The following AKAP19 variants were observed in gnomAD, a reference collection of about 807,000 sequenced individuals.
AKAP19 encodes A-kinase anchoring protein 19.
the AKAP19 span, among the ~76,000 whole-genome samples, chr2:190,164,427 C>T: frequency 0.044 from 6,644 of 151,990 alleles, 199 homozygotes; most frequent in Non-Finnish European, 0.065. Context: ...GCTACTGGGG[C>T]GGCTGAGGTG....
the AKAP19 span, among the ~76,000 whole-genome samples, chr2:189,939,714 A>T: frequency 6.6e-6 from 1 of 152,256 alleles, no homozygotes; most frequent in Non-Finnish European, 1.5e-5. Flanking sequence ...TTTAACAGAG[A>T]GATTGAAATA....
the AKAP19 span, among the ~76,000 whole-genome samples, chr2:189,928,852 G>T: frequency 6.6e-6 from 1 of 152,056 alleles, no homozygotes; most frequent in Non-Finnish European, 1.5e-5. Flanking sequence ...TTCTTTGTTA[G>T]GTTGAGACCA....
At chr2:189,951,723 G>A in the AKAP19 span, among the ~76,000 whole-genome samples, 3 of 152,098 alleles carry the variant, frequency 2.0e-5, no homozygotes, top group South Asian at 4.1e-4. Flanking sequence ...GCTCATCTTC[G>A]TTTTAGAATA....
the AKAP19 span, among the ~76,000 whole-genome samples, chr2:189,944,474 T>G: frequency 1.3e-5 from 2 of 152,164 alleles, no homozygotes; most frequent in Non-Finnish European, 2.9e-5. Flanking sequence ...CCTCTTTTCT[T>G]TGTAAATTAT....
chr2:190,067,422 A>G, the AKAP19 span, among the ~76,000 whole-genome samples: 1 of 152,118 alleles, frequency 6.6e-6, no homozygotes, highest in South Asian at 2.1e-4. Flanking sequence ...TCCCCCTTTA[A>G]CTTACAGTCC....
At chr2:190,004,779 T>C in the AKAP19 span, among the ~76,000 whole-genome samples, 2 of 152,132 alleles carry the variant, frequency 1.3e-5, no homozygotes, top group South Asian at 4.2e-4. Context: ...CTTTTGAGTG[T>C]GTCTGCCTTT....
chr2:189,882,385 A>G, the AKAP19 span, among the ~76,000 whole-genome samples: 2 of 152,202 alleles, frequency 1.3e-5, no homozygotes, highest in African/African-American at 4.8e-5. Context: ...ACGTGTGCCC[A>G]AAAGTGGTCA....
chr2:190,115,293 ATATATATATTTTTTTTTTTTTTTTT>A, the AKAP19 span, among the ~76,000 whole-genome samples: 1 of 7,578 alleles, frequency 1.3e-4, no homozygotes, highest in African/African-American at 6.3e-4. Flanking sequence ...ATATATATAT[ATATATATATTTTTTTTTTTTTTTTT>A]TTTTTTTTTT....
the AKAP19 span, among the ~76,000 whole-genome samples, chr2:189,928,899 T>C: frequency 6.6e-6 from 1 of 152,186 alleles, no homozygotes. Flanking sequence ...TTCTTTACTG[T>C]TATGTCACTG....
At chr2:189,901,206 T>A in the AKAP19 span, among the ~76,000 whole-genome samples, 1 of 152,194 alleles carries the variant, frequency 6.6e-6, no homozygotes, top group East Asian at 1.9e-4. Flanking sequence ...CATGTAGATG[T>A]TTTGGGGTTT....
At chr2:190,143,166 C>T in the AKAP19 span, among the ~76,000 whole-genome samples, 1 of 151,586 alleles carries the variant, frequency 6.6e-6, no homozygotes, top group African/African-American at 2.4e-5. Context: ...TGGTCCACAC[C>T]TTGTTTTTCA....
chr2:190,113,524 C>A, the AKAP19 span, among the ~76,000 whole-genome samples: 1 of 152,158 alleles, frequency 6.6e-6, no homozygotes, highest in Admixed American at 6.5e-5. Context: ...CTCTAGATTT[C>A]TACTTCAGAG....
At chr2:190,179,295 C>T in the AKAP19 span, among the ~76,000 whole-genome samples, 1 of 151,898 alleles carries the variant, frequency 6.6e-6, no homozygotes, top group Non-Finnish European at 1.5e-5. The surrounding 1 kb of genome is among the most constrained non-coding windows in gnomAD (Gnocchi z 6.0). Flanking sequence ...GTAATCTCAG[C>T]CACTCAGGAG....
the AKAP19 span, among the ~76,000 whole-genome samples, chr2:190,034,102 TA>T: frequency 2.0e-5 from 1 of 50,100 alleles, no homozygotes; most frequent in Non-Finnish European, 4.1e-5. Flanking sequence ...ATTATATAAA[TA>T]AAAAATTATA....
chr2:189,892,056 T>A, the AKAP19 span, among the ~76,000 whole-genome samples: 1 of 151,932 alleles, frequency 6.6e-6, no homozygotes, highest in South Asian at 2.1e-4. Flanking sequence ...CTTCACGAAG[T>A]TCTCATGCTG....
chr2:190,158,755 A>T, the AKAP19 span, among the ~76,000 whole-genome samples: 2 of 152,224 alleles, frequency 1.3e-5, no homozygotes, highest in Non-Finnish European at 2.9e-5. Flanking sequence ...AGCATGCATA[A>T]GAGGCAGATC....
chr2:190,172,580 G>A, the AKAP19 span, among the ~76,000 whole-genome samples: 6,885 of 152,102 alleles, frequency 0.045, 200 homozygotes, highest in Non-Finnish European at 0.069. Flanking sequence ...GACAATTAAG[G>A]GATTAGGAAT....
the AKAP19 span, among the ~76,000 whole-genome samples, chr2:190,199,524 G>GCCATTTT: frequency 1.4e-4 from 22 of 152,074 alleles, no homozygotes; most frequent in Non-Finnish European, 3.2e-4. Context: ...TTTGCAAGTT[G>GCCATTTT]CCATTTTTAT....
the AKAP19 span, among the ~76,000 whole-genome samples, chr2:190,170,747 T>C: frequency 6.6e-6 from 1 of 152,184 alleles, no homozygotes; most frequent in Non-Finnish European, 1.5e-5. Context: ...CAAATTGGGA[T>C]GATGTATTGT....
Sources: gnomAD v4.1 joint callset for allele counts (sites outside exome capture counted in the v4.1 genomes callset) on GRCh38, gnomAD v4.1.1 for gene constraint, Gnocchi (gnomAD v3.1) non-coding constraint, MANE v1.5 for transcripts, NCBI Gene and HGNC (gene_info 2026-07-23, HGNC 2026-07-21) for gene names.